Variants in ENG observed in about 807,000 individuals in gnomAD.
ENG encodes CD105 antigen.
Under a neutral mutation model 71.0 loss-of-function variants are expected in ENG, and 17 were observed. The ratio of observed to expected loss-of-function variants is 0.24; its 90% CI spans 0.16 to 0.36. The LOEUF is 0.36. Among genes scored for constraint, ENG ranks in the 10% least tolerant of loss-of-function variants. ENG has a pLI of 1.00. For synonymous variants in ENG, 360 were observed against 366.9 expected, an observed-to-expected ratio of 0.98 and a Z score of 0.21; for missense variants, 749 against 868.3, an observed-to-expected ratio of 0.86 and a Z score of 1.73.
chr9:127,818,484 TCA>T (rs1830389169), intron 11 of ENG, 107 bp from the exon 12 acceptor site: 1 of 1,556,366 alleles, frequency 6.4e-7, no homozygotes. Context: ...CCCTGAGTCC[TCA>T]CAGTGGAAAG....
intron 2 of ENG, among the ~76,000 whole-genome samples, chr9:127,839,591 T>C (rs183389257): frequency 2.0e-5 from 3 of 152,318 alleles, no homozygotes; most frequent in Non-Finnish European, 4.4e-5. Context: ...GGTCTTGCTC[T>C]GTCGCTCAGG....
intron 8 of ENG, chr9:127,821,635 T>C (rs913042469): frequency 6.6e-6 from 1 of 151,288 alleles, no homozygotes; most frequent in African/African-American, 2.4e-5. Context: ...CCCAGCACTT[T>C]GGGAGGCCGA....
intron 8 of ENG, among the ~76,000 whole-genome samples, chr9:127,820,739 A>G (rs12343316): frequency 0.11 from 15,982 of 151,390 alleles, 1,751 homozygotes; most frequent in African/African-American, 0.28. Context: ...TGAGGCAGGA[A>G]AATGGCGTGA....
intron 1 of ENG, among the ~76,000 whole-genome samples, chr9:127,852,221 A>G (rs1409134884): frequency 6.6e-6 from 1 of 152,190 alleles, no homozygotes; most frequent in Admixed American, 6.5e-5. Flanking sequence ...GCATCTTTAC[A>G]GAGTTGGACG....
intron 8 of ENG, among the ~76,000 whole-genome samples, chr9:127,820,627 G>T (rs1392006849): frequency 2.6e-5 from 4 of 151,210 alleles, no homozygotes; most frequent in Non-Finnish European, 4.4e-5. Context: ...AGGAGATCGA[G>T]ACCATCCTGG....
intron 11 of ENG, 147 bp from the exon 12 acceptor site, chr9:127,818,524 G>T: frequency 6.8e-7 from 1 of 1,468,940 alleles, no homozygotes; most frequent in Non-Finnish European, 9.3e-7. Context: ...TGGGGCAGAG[G>T]AGGAGGACAG....
intron 10 of ENG, 159 bp downstream of exon 10, chr9:127,819,463 G>A: frequency 1.1e-6 from 1 of 925,856 alleles, no homozygotes. Flanking sequence ...ACCCTCAGCA[G>A]TCCTGCTCCG....
intron 1 of ENG, among the ~76,000 whole-genome samples, chr9:127,853,303 C>T (rs2131934923): frequency 6.6e-6 from 1 of 152,250 alleles, no homozygotes; most frequent in Middle Eastern, 3.4e-3. Context: ...TTTTCCTTCC[C>T]CTTCCTCCCC....
intron 2 of ENG, among the ~76,000 whole-genome samples, chr9:127,834,597 G>A (rs1379846213): frequency 1.3e-5 from 2 of 151,968 alleles, no homozygotes; most frequent in Non-Finnish European, 2.9e-5. Context: ...TAGAGATGGG[G>A]TTTCACCATC....
intron 8 of ENG, among the ~76,000 whole-genome samples, chr9:127,821,788 CAGG>C (rs964963082): frequency 1.3e-5 from 2 of 149,164 alleles, no homozygotes; most frequent in African/African-American, 2.5e-5. Flanking sequence ...GAGGCTGAGG[CAGG>C]AGAATTGCTT....
rs571123797 is a variant in ENG, at chr9:127,838,111, A to G, written c.219+4983T>C. 1.2e-4 allele frequency among the ~76,000 whole-genome samples: 19 copies of G among 152,300 alleles called. No homozygotes were observed. In the East Asian group the frequency reaches 1.7e-3, roughly 14 times the overall value. The stretch of plus-strand genomic sequence containing the variant: ...AAACTCCACCATGCCTGCCTCCCCA[A>G]GTAGCCAACTCAACCATCCTTCAGG... On this transcript the variant is annotated intron_variant, in intron 2 of 14. Coordinates refer to ENST00000373203, the MANE Select transcript of ENG (RefSeq NM_001114753.3). The surrounding 1 kb of genome is among the most constrained non-coding windows in gnomAD (Gnocchi z 4.3).
At chr9:127,845,419 G>A (rs968312307) in intron 1 of ENG, among the ~76,000 whole-genome samples, 6 of 152,342 alleles carry the variant, frequency 3.9e-5, no homozygotes, top group East Asian at 1.9e-4. Flanking sequence ...TGGCTGCCAC[G>A]GGGGCCCAGG....
chr9:127,825,832 C>A lies in ENG; in HGVS notation c.552G>T (p.Leu184=). 1 of 1,597,468 alleles carries A rather than the reference C, an allele frequency of 6.3e-7. No homozygotes were observed. The highest frequency in any genetic ancestry group is 2.3e-5 in the East Asian group (1 of 43,978). ...QAQGSLSFCM[L]EASQDMGRTL... ...TGCGGCCCATGTCCTGGCTGGCTTC[C>A]AGCATGCAGAAGGACAGTGACCCCT... Residue 184 remains leucine, a synonymous_variant, in exon 5 of 15, where the codon CTG becomes CTT. Transcript: ENST00000373203.
At position 127,836,326 on chromosome 9, in the gene ENG, G is replaced by A. The variant is rs959108551; in HGVS notation, c.220-6499C>T. Reference sequence around the variant, plus strand: ...CCTGAGTGGGTGGGCGGGAGACCGCGTTTCTATTTTTGTACCAATGTCCCA... The same window carrying A: ...CCTGAGTGGGTGGGCGGGAGACCGCATTTCTATTTTTGTACCAATGTCCCA... On this transcript the variant is annotated intron_variant, in intron 2 of 14. Transcript: ENST00000373203. The surrounding 1 kb of genome is among the most constrained non-coding windows in gnomAD (Gnocchi z 4.0). Among the ~76,000 whole-genome samples, 7 of 152,370 alleles carry A rather than the reference G, an allele frequency of 4.6e-5. No homozygotes were observed. Among genetic ancestry groups the A allele is most frequent in the Admixed American group, 1.3e-4 (2 of 15,308 alleles).
chr9:127,820,233 C>T (rs1302421024), intron 8 of ENG, among the ~76,000 whole-genome samples, 196 bp from the exon 9 acceptor site: 1 of 152,128 alleles, frequency 6.6e-6, no homozygotes, highest in African/African-American at 2.4e-5. Flanking sequence ...GAGTCTCACT[C>T]TTTTTGCCCA....
intron 2 of ENG, 97 bp downstream of exon 2, chr9:127,842,997 C>T: frequency 1.3e-6 from 2 of 1,585,742 alleles, no homozygotes; most frequent in Non-Finnish European, 1.7e-6. Context: ...AGGACTCAGC[C>T]ACTGCCCCAG....
chr9:127,819,325 C>T, intron 10 of ENG: 2 of 439,480 alleles, frequency 4.6e-6, no homozygotes, highest in South Asian at 4.3e-5. Context: ...TCATTGGCTG[C>T]CCAGAAGCAC....
Position 127,815,945 on chromosome 9 carries a change from G to A in ENG, c.1850C>T (p.Thr617Met), listed in dbSNP as rs201031046. 3.6e-5 allele frequency: 58 copies of A among 1,596,604 alleles called. No individual in the cohort carries two copies. The highest frequency in any genetic ancestry group is 8.7e-5 in the Admixed American group (5 of 57,158). ...CTGTGGGGGCCTGGGGTACTCACGC[G>A]TGTGCGAGTAGATGTACCAGAGTGC... is the stretch of plus-strand genomic sequence containing the variant. ...TAALWYIYSH[T>M]RSPSKREPVV... Residue 617 changes from threonine to methionine, a missense_variant and splice_region_variant, in exon 14 of 15, where the codon ACG (threonine) becomes ATG (methionine). Physicochemically the swap from Thr to Met is moderately conservative, Grantham distance 81. Transcript: ENST00000373203.
intron 2 of ENG, chr9:127,832,501 TTTTTC>T (rs924208172): frequency 7.4e-5 from 11 of 149,482 alleles, no homozygotes; most frequent in African/African-American, 1.2e-4. Context: ...TGCTCTCACA[TTTTTC>T]TTTTCTTTTC....
Sources: allele counts gnomAD v4.1 joint callset (sites outside exome capture counted in the v4.1 genomes callset), GRCh38; gene constraint gnomAD v4.1.1; non-coding constraint Gnocchi (gnomAD v3.1); transcripts MANE v1.5; gene names NCBI Gene and HGNC (gene_info 2026-07-23, HGNC 2026-07-21).